The following STK32A variants were observed in gnomAD, a reference collection of about 807,000 sequenced individuals.
The protein encoded by STK32A is serine/threonine kinase 32A, also known as serine/threonine-protein kinase 32A.
STK32A carries 41 observed loss-of-function variants against 53.2 expected under a neutral mutation model. That is an observed-to-expected ratio of 0.77 (90% CI 0.60 to 1.00). The LOEUF is 1.00. STK32A is among the 50% of genes least tolerant of loss of function. The pLI is 0.00. For synonymous variants in STK32A, 166 were observed against 162.8 expected (o/e 1.02, Z -0.15); for missense variants, 458 against 485.8 (o/e 0.94, Z 0.54).
At chr5:147,272,699 G>A (rs1260563259) in intron 2 of STK32A, among the ~76,000 whole-genome samples, 1 of 152,176 alleles carries the variant, frequency 6.6e-6, no homozygotes, top group Non-Finnish European at 1.5e-5. Flanking sequence ...AGTTTTCACT[G>A]AATAATTGTT....
chr5:147,384,247 GGGTTATACTAGACGA>G lies in STK32A; in HGVS notation c.*266_*280del. ...TTTACTTTATTTATCTAAAATGAGAGGGTTATACTAGACGAGCCATACCCTGCCTTTTTAGTGCTA... is the reference window on the plus strand; with the variant it reads ...TTTACTTTATTTATCTAAAATGAGAGGCCATACCCTGCCTTTTTAGTGCTA... On this transcript the variant is annotated 3_prime_UTR_variant, in exon 13 of 13. Coordinates refer to ENST00000397936, the MANE Select transcript of STK32A (RefSeq NM_001112724.2). 7.5e-7 allele frequency: 1 copy of G among 1,336,198 alleles called. No homozygotes were observed. Among genetic ancestry groups the G allele is most frequent in the Non-Finnish European group, 9.8e-7 (1 of 1,024,902 alleles). The allele number at this position is 1,336,198 out of a possible 1,614,324, so 82.8% of individuals were successfully genotyped here. A position where few individuals can be genotyped will look rare whatever the true frequency, so the allele number is the denominator to read the frequency against.
At chr5:147,349,746 G>T (rs1755867803) in intron 6 of STK32A, among the ~76,000 whole-genome samples, 1 of 152,098 alleles carries the variant, frequency 6.6e-6, no homozygotes, top group Admixed American at 6.6e-5. Context: ...CTATGTGTTA[G>T]AGGCTGAGTT....
chr5:147,262,108 G>T (rs1390584080), intron 2 of STK32A, among the ~76,000 whole-genome samples: 2 of 152,166 alleles, frequency 1.3e-5, no homozygotes, highest in Non-Finnish European at 2.9e-5. Context: ...AAATGGTGAA[G>T]AAATGGTCAG....
the STK32A span, chr5:147,393,778 G>C: frequency 9.5e-5 from 47 of 495,672 alleles, no homozygotes; most frequent in East Asian, 1.1e-3. Context: ...TTTTACCTTA[G>C]TGGCCTGTCT....
intron 8 of STK32A, among the ~76,000 whole-genome samples, chr5:147,363,004 T>G (rs1203694565): frequency 6.6e-6 from 1 of 151,816 alleles, no homozygotes; most frequent in East Asian, 1.9e-4. Context: ...GAGAATCACT[T>G]GAGCCCAGGA....
chr5:147,364,912 G>A lies in STK32A; in HGVS notation c.660+3298G>A, dbSNP rs536166784. On this transcript the variant is annotated intron_variant, in intron 8 of 12. Coordinates refer to ENST00000397936, the MANE Select transcript of STK32A (RefSeq NM_001112724.2). ...GGTTGTATACTCTCAAGGTCCCAGTGATGGATGCAATCAGTGATTCCTCTA... is the reference window on the plus strand; with the variant it reads ...GGTTGTATACTCTCAAGGTCCCAGTAATGGATGCAATCAGTGATTCCTCTA... 2.1e-4 allele frequency among the ~76,000 whole-genome samples: 32 copies of A among 152,280 alleles called. No homozygotes were observed. The South Asian group carries it at 6.0e-3, about 29-fold the overall frequency.
chr5:147,383,503 A>G lies in STK32A; in HGVS notation c.1095A>G (p.Glu365=). The change falls in exon 12 of 13, where the codon GAA becomes GAG. Residue 365 remains glutamate (E), a splice_region_variant and synonymous_variant. Coordinates refer to ENST00000397936, the MANE Select transcript of STK32A (RefSeq NM_001112724.2). ...VQKEFIIFNR[E]KVNRDFNKRQ... ...AGGAGTTCATAATTTTCAACAGAGA[A>G]AAGTAAGTAATTCCTGGGAGAACAA... 1 of 1,587,232 alleles carries G rather than the reference A, an allele frequency of 6.3e-7. No individual in the cohort carries two copies. The highest frequency in any genetic ancestry group is 8.6e-7 in the Non-Finnish European group (1 of 1,165,960).
At chr5:147,359,040 G>A (rs188133534) in intron 7 of STK32A, among the ~76,000 whole-genome samples, 2 of 152,106 alleles carry the variant, frequency 1.3e-5, no homozygotes, top group African/African-American at 4.8e-5. Flanking sequence ...TGCTAATTCT[G>A]CAGTGTTTTA....
At chr5:147,321,843 C>T (rs1400282232) in intron 4 of STK32A, among the ~76,000 whole-genome samples, 1 of 152,168 alleles carries the variant, frequency 6.6e-6, no homozygotes, top group South Asian at 2.1e-4. Context: ...GCATTGGCAT[C>T]TAATTATTTT....
At chr5:147,359,852 A>G (rs1756414607) in intron 7 of STK32A, among the ~76,000 whole-genome samples, 1 of 152,116 alleles carries the variant, frequency 6.6e-6, no homozygotes, top group African/African-American at 2.4e-5. Flanking sequence ...GGGCATTGGG[A>G]TGTAAACACT....
intron 4 of STK32A, among the ~76,000 whole-genome samples, chr5:147,302,331 C>T (rs1021953017): frequency 1.3e-5 from 2 of 152,036 alleles, no homozygotes; most frequent in Admixed American, 1.3e-4. Context: ...TGAGTTTATT[C>T]GAGTACAAAG....
intron 11 of STK32A, among the ~76,000 whole-genome samples, chr5:147,379,487 A>G (rs1466406076): frequency 6.6e-6 from 1 of 152,080 alleles, no homozygotes; most frequent in Non-Finnish European, 1.5e-5. Flanking sequence ...TAGTGCATGT[A>G]AAGTGCTCCA....
intron 4 of STK32A, among the ~76,000 whole-genome samples, chr5:147,308,158 ATATATG>A (rs199877877): frequency 0.17 from 18,698 of 110,122 alleles, 1,348 homozygotes; most frequent in Middle Eastern, 0.29. Flanking sequence ...ATATATATAT[ATATATG>A]TGTGTACATG....
chr5:147,253,213 T>A (rs376294012), intron 2 of STK32A, among the ~76,000 whole-genome samples: 148 of 152,226 alleles, frequency 9.7e-4, no homozygotes, highest in African/African-American at 2.9e-3. Flanking sequence ...CTGAAAAAAA[T>A]TTTTTGGCAT....
rs555324213 is a variant in STK32A at position 147,298,049 on chromosome 5, G to T, written c.260+18651G>T. ...AGTGTCATTCATTAGACCTGGTATA[G>T]ACAAAAGTTTGTTGGATCTGTATTT... is the stretch of plus-strand genomic sequence containing the variant. On this transcript the variant is annotated intron_variant, in intron 4 of 12. Transcript: ENST00000397936. Among the ~76,000 whole-genome samples the T allele has an allele frequency of 1.7e-3, 255 of 151,598 alleles. 2 individuals are homozygous for T. Among genetic ancestry groups the T allele is most frequent in the African/African-American group, 6.1e-3 (253 of 41,326 alleles).
At chr5:147,283,927 C>A (rs1325971117) in intron 4 of STK32A, among the ~76,000 whole-genome samples, 1 of 152,024 alleles carries the variant, frequency 6.6e-6, no homozygotes, top group African/African-American at 2.4e-5. Context: ...TCCTATGAAG[C>A]CAGCATCACC....
chr5:147,262,021 A>G (rs1401446258), intron 2 of STK32A, among the ~76,000 whole-genome samples: 2 of 152,174 alleles, frequency 1.3e-5, no homozygotes, highest in Non-Finnish European at 2.9e-5. Context: ...AGGTTAAATG[A>G]GAGTGACCGA....
At chr5:147,328,234 G>C (rs913067527) in intron 5 of STK32A, among the ~76,000 whole-genome samples, 1 of 151,922 alleles carries the variant, frequency 6.6e-6, no homozygotes, top group East Asian at 2.0e-4. Flanking sequence ...AACATAGAAG[G>C]GGGTCTTTTT....
At chr5:147,250,435 A>G (rs974116632) in intron 2 of STK32A, among the ~76,000 whole-genome samples, 1 of 152,184 alleles carries the variant, frequency 6.6e-6, no homozygotes. Context: ...CAATCTAGCT[A>G]TGGAAAGTGG....
Sources: gnomAD v4.1 joint callset for allele counts (sites outside exome capture counted in the v4.1 genomes callset) on GRCh38, gnomAD v4.1.1 for gene constraint, MANE v1.5 for transcripts, NCBI Gene and HGNC (gene_info 2026-07-23, HGNC 2026-07-21) for gene names.